RHPN1: variants seen among roughly 807,000 people sequenced by gnomAD.
RHPN1 encodes the protein rhophilin-1.
Under a neutral mutation model 74.7 loss-of-function variants are expected in RHPN1, and 77 were observed. The ratio of observed to expected loss-of-function variants is 1.03; its 90% CI spans 0.86 to 1.25. RHPN1 has a LOEUF of 1.25. RHPN1 is among the 50% of genes most tolerant of loss of function. RHPN1 has a pLI of 0.00. For missense variants in RHPN1, 987 were observed against 932.2 expected, an observed-to-expected ratio of 1.06 and a Z score of -0.77; for synonymous variants, 444 against 414.5, an observed-to-expected ratio of 1.07 and a Z score of -0.87.
intron 1 of RHPN1, among the ~76,000 whole-genome samples, chr8:143,373,906 G>A (rs1818036361): frequency 6.6e-6 from 1 of 152,074 alleles, no homozygotes; most frequent in Non-Finnish European, 1.5e-5. Flanking sequence ...CCTATTTCTA[G>A]AAAAATTGCA....
In RHPN1 at chr8:143,379,997, C is replaced by G. The variant is rs373890035; in HGVS notation, c.1102+12C>G. 3.9e-6 allele frequency: 6 copies of G among 1,556,074 alleles called. No individual in the cohort carries two copies. The highest frequency in any genetic ancestry group is 5.2e-6 in the Non-Finnish European group (6 of 1,150,900). On this transcript the variant is annotated intron_variant, in intron 9 of 14. Coordinates refer to ENST00000289013, the MANE Select transcript of RHPN1 (RefSeq NM_052924.3). ...CTGCGACGGCTCCCGTGAGTGCCCACCACACTTGCCCATGGTACTGCCAAG... is the reference window on the plus strand; with the variant it reads ...CTGCGACGGCTCCCGTGAGTGCCCAGCACACTTGCCCATGGTACTGCCAAG...
At chr8:143,377,322 G>C in intron 3 of RHPN1, 58 bp from the exon 4 acceptor site, 4 of 1,431,156 alleles carry the variant, frequency 2.8e-6, no homozygotes, top group Non-Finnish European at 3.9e-6. Flanking sequence ...TGGACCCCGG[G>C]CTGCCGTGGG....
rs1384235396 is a variant in RHPN1, at chr8:143,382,883, G to T, written c.*232G>T. The T allele has an allele frequency of 8.8e-6, 5 of 569,426 alleles. No individual in the cohort carries two copies. Among genetic ancestry groups the T allele is most frequent in the African/African-American group, 7.5e-5 (4 of 53,488 alleles). 35.3% of individuals were successfully genotyped at this position (569,426 alleles called of 1,614,324 possible). A position where few individuals can be genotyped will look rare whatever the true frequency, so the allele number is the denominator to read the frequency against. ...ATGCCAGTCCCTCTGTCGGTCTGAGGTCAGCTTCCTGGGGCTGCCCCACCC... is the reference window on the plus strand; with the variant it reads ...ATGCCAGTCCCTCTGTCGGTCTGAGTTCAGCTTCCTGGGGCTGCCCCACCC... On this transcript the variant is annotated 3_prime_UTR_variant, in exon 15 of 15. Transcript: ENST00000289013.
At chr8:143,380,421 C>G (rs1818633301) in intron 10 of RHPN1, 168 bp from the exon 11 acceptor site, 1 of 681,936 alleles carries the variant, frequency 1.5e-6, no homozygotes, top group Admixed American at 3.1e-5. Context: ...CCCTGCTTTG[C>G]ACGTGGCAGA....
rs1309412349 is a variant in RHPN1, at chr8:143,378,267, A to G, written c.382-2A>G. 1.9e-6 allele frequency: 3 copies of G among 1,568,934 alleles called. No homozygotes were observed. Among genetic ancestry groups the G allele is most frequent in the Non-Finnish European group, 2.6e-6 (3 of 1,157,026 alleles). On this transcript the variant is annotated splice_acceptor_variant, in intron 4 of 14. Coordinates refer to ENST00000289013, the MANE Select transcript of RHPN1 (RefSeq NM_052924.3). LOFTEE classifies it high-confidence loss of function. ...TGGATGCCAACACCTGCCCCCCATCAGGAGCTGATCTCAGTGCACTTTGGA... is the reference window on the plus strand; with the variant it reads ...TGGATGCCAACACCTGCCCCCCATCGGGAGCTGATCTCAGTGCACTTTGGA...
In RHPN1 at chr8:143,380,189, G is replaced by A; in HGVS notation, c.1216+14G>A. ...GCAGGCAGCTTGGTAAGGCGCCCAT[G>A]GGTGGAGTGCCCTGGGGCTCAGATG... On this transcript the variant is annotated intron_variant, in intron 10 of 14. Coordinates refer to ENST00000289013, the MANE Select transcript of RHPN1 (RefSeq NM_052924.3). 1 of 1,513,078 alleles carries A rather than the reference G, an allele frequency of 6.6e-7. No homozygotes were observed. Among genetic ancestry groups the A allele is most frequent in the Admixed American group, 2.0e-5 (1 of 48,870 alleles). The allele number at this position is 1,513,078 out of a possible 1,614,324, so 93.7% of individuals were successfully genotyped here. A position where few individuals can be genotyped will look rare whatever the true frequency, so the allele number is the denominator to read the frequency against.
chr8:143,380,290 G>A, intron 10 of RHPN1, 115 bp downstream of exon 10: 1 of 791,424 alleles, frequency 1.3e-6, no homozygotes, highest in South Asian at 1.8e-5. Flanking sequence ...TGACGAGTTG[G>A]GCCACCTACC....
chr8:143,378,123 G>A (rs1818408377), intron 4 of RHPN1, 146 bp from the exon 5 acceptor site: 1 of 683,094 alleles, frequency 1.5e-6, no homozygotes, highest in Non-Finnish European at 2.5e-6. Flanking sequence ...AGGGGCCCAG[G>A]GCCCCCACGC....
At position 143,378,357 on chromosome 8, in the gene RHPN1, C is replaced by CCCCCA; in HGVS notation, c.459+15_459+16insACCCC. On this transcript the variant is annotated intron_variant, in intron 5 of 14. Transcript: ENST00000289013. The stretch of plus-strand genomic sequence containing the variant: ...GAGGCCCTGCGGCAGGTGTGTGGTT[C>CCCCCA]CCCCGCCCACCCACCCTCCTGCAGC... The CCCCCA allele has an allele frequency of 6.6e-7, 1 of 1,520,944 alleles. No homozygotes were observed. Among genetic ancestry groups the CCCCCA allele is most frequent in the Non-Finnish European group, 8.9e-7 (1 of 1,127,160 alleles). The allele number at this position is 1,520,944 out of a possible 1,614,324, so 94.2% of individuals were successfully genotyped here.
rs368689693 is a variant in RHPN1 at position 143,379,310 on chromosome 8, C to T, written c.752-5C>T. 19 of 1,580,024 alleles carry T rather than the reference C, an allele frequency of 1.2e-5. No individual in the cohort carries two copies. In the East Asian group the frequency reaches 1.8e-4, roughly 15 times the overall value. ...CTGCCTGTGTGAGCACCCCTCCCTCCGCAGGGGCCTTCAGCCTCCTGAGGG... is the reference window on the plus strand; with the variant it reads ...CTGCCTGTGTGAGCACCCCTCCCTCTGCAGGGGCCTTCAGCCTCCTGAGGG... On this transcript the variant is annotated splice_region_variant and splice_polypyrimidine_tract_variant and intron_variant, in intron 7 of 14. Transcript: ENST00000289013.
intron 5 of RHPN1, 116 bp downstream of exon 5, chr8:143,378,462 G>A: frequency 9.7e-7 from 1 of 1,027,562 alleles, no homozygotes; most frequent in Non-Finnish European, 1.4e-6. Flanking sequence ...GAGGACGTGG[G>A]GAGACGGGCG....
At position 143,382,590 on chromosome 8, in the gene RHPN1, A is replaced by G; in HGVS notation, c.1952A>G (p.Gln651Arg). 2.4e-5 allele frequency: 38 copies of G among 1,611,188 alleles called. No individual in the cohort carries two copies. The highest frequency in any genetic ancestry group is 3.2e-5 in the Non-Finnish European group (38 of 1,179,726). ...CAGGGCAAGACTGGAGGCTGCCCCC[A>G]GCCCTGTGCCCCAGTGAAGCCAGCT... ...AQQGKTGGCP[Q>R]PCAPVKPAPP... Residue 651 changes from glutamine (Q) to arginine (R), a missense_variant, in exon 15 of 15, where the codon CAG (glutamine) becomes CGG (arginine). Physicochemically the swap from Gln to Arg is conservative, Grantham distance 43. Transcript: ENST00000289013.
At position 143,381,602 on chromosome 8, in the gene RHPN1, C is replaced by T. The variant is rs371094897; in HGVS notation, c.1519C>T (p.Arg507Trp). ...GPLSVFSAKN[R>W]WRLVGPVHLT... ...CCTGTCTGTGTTCTCAGCCAAGAAC[C>T]GGTGGCGGCTGGTGGGGCCCGTCCA... Residue 507 changes from arginine to tryptophan, a missense_variant, in exon 13 of 15, where the codon CGG becomes TGG. By Grantham distance (101) the Arg-to-Trp change is moderately radical. Transcript: ENST00000289013. 1.0e-4 allele frequency: 165 copies of T among 1,609,944 alleles called. No individual in the cohort carries two copies. The highest frequency in any genetic ancestry group is 1.3e-4 in the Non-Finnish European group (156 of 1,179,284).
At chr8:143,376,328 G>A (rs1341533066) in intron 2 of RHPN1, among the ~76,000 whole-genome samples, 197 bp from the exon 3 acceptor site, 2 of 152,242 alleles carry the variant, frequency 1.3e-5, no homozygotes, top group African/African-American at 4.8e-5. Context: ...GTGATGAACT[G>A]TAGGGGGCAT....
At chr8:143,377,188 T>G (rs1818338261) in intron 3 of RHPN1, among the ~76,000 whole-genome samples, 192 bp from the exon 4 acceptor site, 2 of 152,170 alleles carry the variant, frequency 1.3e-5, no homozygotes, top group South Asian at 4.1e-4. Context: ...GTGTGTGTGT[T>G]TGCTTTTGGG....
In RHPN1 at chr8:143,377,042, CTGTG is replaced by C. The variant is rs570165000; in HGVS notation, c.306-332_306-329del. Among the ~76,000 whole-genome samples, 12 of 62,760 alleles carry C rather than the reference CTGTG, an allele frequency of 1.9e-4. No individual in the cohort carries two copies. In the East Asian group the frequency reaches 2.4e-3, roughly 13 times the overall value. 41.2% of individuals were successfully genotyped at this position (62,760 alleles called of 152,430 possible). On this transcript the variant is annotated intron_variant, in intron 3 of 14. Transcript: ENST00000289013. ...TATGTGTGCGTGTATGCACGTGTGT[CTGTG>C]TGTGTCTGTGTGTGCGCGTGTGTGT... is the stretch of plus-strand genomic sequence containing the variant.
In RHPN1 at chr8:143,382,630, G is replaced by A. The variant is rs569419284; in HGVS notation, c.1992G>A (p.Leu664=). 1.3e-5 allele frequency: 21 copies of A among 1,610,188 alleles called. No individual in the cohort carries two copies. In the African/African-American group the frequency reaches 2.7e-4, roughly 20 times the overall value. Residue 664 remains leucine, a synonymous_variant, in exon 15 of 15, where the codon TTG becomes TTA. Coordinates refer to ENST00000289013, the MANE Select transcript of RHPN1 (RefSeq NM_052924.3). ...APVKPAPPSS[L]KHPGWP ...TGAAGCCAGCTCCGCCCTCATCCTTGAAGCACCCAGGGTGGCCGTGAGGGC... is the reference window on the plus strand; with the variant it reads ...TGAAGCCAGCTCCGCCCTCATCCTTAAAGCACCCAGGGTGGCCGTGAGGGC...
At chr8:143,378,657 G>T in intron 5 of RHPN1, 39 bp from the exon 6 acceptor site, 1 of 1,581,434 alleles carries the variant, frequency 6.3e-7, no homozygotes. Flanking sequence ...TGAGTGGGGT[G>T]GGCCAGGGCG....
In RHPN1 at chr8:143,374,032, G is replaced by A. The variant is rs1045791024; in HGVS notation, c.61-1521G>A. The A allele has an allele frequency of 5.3e-6, 4 of 755,712 alleles. No individual in the cohort carries two copies. The African/African-American group carries it at 7.6e-5, about 14-fold the overall frequency. The allele number at this position is 755,712 out of a possible 1,614,324, so 46.8% of individuals were successfully genotyped here. On this transcript the variant is annotated intron_variant, in intron 1 of 14. Coordinates refer to ENST00000289013, the MANE Select transcript of RHPN1 (RefSeq NM_052924.3). ...GTGATTTTGGGGGGCTGGACGAGCA[G>A]GCCTTCTGTCTAGGAAATCAAACCT... is the stretch of plus-strand genomic sequence containing the variant.
Sources: gnomAD v4.1 joint callset for allele counts (sites outside exome capture counted in the v4.1 genomes callset) on GRCh38, gnomAD v4.1.1 for gene constraint, MANE v1.5 for transcripts, NCBI Gene and HGNC (gene_info 2026-07-23, HGNC 2026-07-21) for gene names.